INPP4B: variants seen among roughly 807,000 people sequenced by gnomAD.
INPP4B encodes the protein inositol polyphosphate 4-phosphatase type II.
In INPP4B, 55 loss-of-function variants were observed where a neutral mutation model predicts 122.5. The ratio of observed to expected loss-of-function variants is 0.45; its 90% CI spans 0.36 to 0.56. INPP4B has a LOEUF of 0.56. INPP4B is among the 20% of genes least tolerant of loss of function. The probability of loss-of-function intolerance (pLI) is 0.00; values close to 1 mark genes in which losing one functional copy is unlikely to be tolerated. For synonymous variants in INPP4B, 403 were observed against 388.7 expected, an observed-to-expected ratio of 1.04 and a Z score of -0.43; for missense variants, 1,000 against 1,097.7, an observed-to-expected ratio of 0.91 and a Z score of 1.26.
chr4:142,425,014 C>T (rs2149334616), intron 5 of INPP4B, among the ~76,000 whole-genome samples: 1 of 152,154 alleles, frequency 6.6e-6, no homozygotes, highest in Admixed American at 6.6e-5. Flanking sequence ...TCACAGGTTA[C>T]TCCTATTTTA....
At position 142,729,568 on chromosome 4, in the gene INPP4B, T is replaced by C. The variant is rs1765797337; in HGVS notation, c.-253-3667A>G. On this transcript the variant is annotated intron_variant, in intron 1 of 25. Transcript: ENST00000262992. ...AAATGAAGCAGGAAAGTGCTTACTT[T>C]CTGCTCACTAAGCAAGAAGGCTCCC... Among the ~76,000 whole-genome samples, 3 of 152,152 alleles carry C rather than the reference T, an allele frequency of 2.0e-5. No individual in the cohort carries two copies. In the South Asian group the frequency reaches 6.2e-4, roughly 32 times the overall value.
At chr4:142,296,330 T>C (rs1758681057) in intron 9 of INPP4B, among the ~76,000 whole-genome samples, 1 of 152,190 alleles carries the variant, frequency 6.6e-6, no homozygotes, top group South Asian at 2.1e-4. Flanking sequence ...ATTTAAATTA[T>C]AATGAAAAAC....
intron 9 of INPP4B, among the ~76,000 whole-genome samples, chr4:142,282,520 A>G (rs2150805355): frequency 6.6e-6 from 1 of 152,290 alleles, no homozygotes; most frequent in South Asian, 2.1e-4. Flanking sequence ...GGTTGAAATC[A>G]AGATATAGGC....
chr4:142,420,868 G>A (rs1006123696), intron 5 of INPP4B, among the ~76,000 whole-genome samples: 2 of 152,112 alleles, frequency 1.3e-5, no homozygotes, highest in Non-Finnish European at 2.9e-5. Context: ...AAGTTCAGTG[G>A]CTAGACTCCC....
chr4:142,539,872 C>T (rs1364915), intron 2 of INPP4B, among the ~76,000 whole-genome samples: 147,645 of 152,098 alleles, frequency 0.97, 71,792 homozygotes, highest in East Asian at 1. Context: ...ACTATCAATA[C>T]GTAGGGAAAA....
intron 7 of INPP4B, among the ~76,000 whole-genome samples, chr4:142,395,919 T>C (rs1799218652): frequency 6.6e-6 from 1 of 152,140 alleles, no homozygotes; most frequent in Non-Finnish European, 1.5e-5. Context: ...GAGGAGTTGC[T>C]AATTAATTAG....
chr4:142,259,982 GT>G (rs1738960576), intron 11 of INPP4B, among the ~76,000 whole-genome samples: 2 of 151,586 alleles, frequency 1.3e-5, no homozygotes, highest in Admixed American at 6.6e-5. Context: ...CATGATATTT[GT>G]TTTTTGTTCA....
chr4:142,321,439 C>T (rs542429551), intron 7 of INPP4B, among the ~76,000 whole-genome samples: 351 of 152,184 alleles, frequency 2.3e-3, no homozygotes, highest in African/African-American at 8.2e-3. Context: ...TTAATTAAAT[C>T]CCATCTATTT....
chr4:142,398,072 A>G (rs923698680), intron 7 of INPP4B, among the ~76,000 whole-genome samples: 1 of 151,546 alleles, frequency 6.6e-6, no homozygotes, highest in East Asian at 2.0e-4. Flanking sequence ...AGTTTTATGG[A>G]GATTAAAAAA....
At chr4:142,546,786 G>A (rs962637154) in intron 2 of INPP4B, among the ~76,000 whole-genome samples, 1 of 152,110 alleles carries the variant, frequency 6.6e-6, no homozygotes, top group African/African-American at 2.4e-5. Flanking sequence ...CATATTTGAG[G>A]ATGTAGTAGA....
chr4:142,738,580 G>T (rs761747685), intron 1 of INPP4B, among the ~76,000 whole-genome samples: 32 of 151,424 alleles, frequency 2.1e-4, no homozygotes, highest in Non-Finnish European at 3.7e-4. Flanking sequence ...TGCAAGTTGT[G>T]CACTGTACCC....
chr4:142,682,243 C>T (rs538964884), intron 2 of INPP4B, among the ~76,000 whole-genome samples: 29 of 151,824 alleles, frequency 1.9e-4, no homozygotes, highest in Middle Eastern at 3.4e-3. Flanking sequence ...AATGTAATTA[C>T]TTGGCAAGAA....
chr4:142,391,595 C>G (rs1311165706), intron 7 of INPP4B, among the ~76,000 whole-genome samples: 1 of 151,902 alleles, frequency 6.6e-6, no homozygotes, highest in Non-Finnish European at 1.5e-5. Context: ...ACAAAACAAA[C>G]AAAAACAAAC....
intron 14 of INPP4B, among the ~76,000 whole-genome samples, chr4:142,200,766 T>C (rs1371166642): frequency 1.3e-5 from 2 of 151,966 alleles, no homozygotes; most frequent in Non-Finnish European, 1.5e-5. Flanking sequence ...AGAGCAAAAA[T>C]AGGGTAAAAG....
chr4:142,716,506 C>T (rs1234422783), intron 2 of INPP4B, among the ~76,000 whole-genome samples: 5 of 152,258 alleles, frequency 3.3e-5, no homozygotes, highest in African/African-American at 1.2e-4. Context: ...CAAAAAATTA[C>T]TGGCTGCCAT....
intron 2 of INPP4B, among the ~76,000 whole-genome samples, chr4:142,614,070 T>C (rs773302572): frequency 5.9e-5 from 9 of 152,058 alleles, no homozygotes; most frequent in Non-Finnish European, 8.8e-5. Flanking sequence ...ATAGTGCTGG[T>C]ATAAAAATAG....
chr4:142,189,094 T>A (rs1834561331), intron 15 of INPP4B, among the ~76,000 whole-genome samples: 1 of 152,154 alleles, frequency 6.6e-6, no homozygotes, highest in South Asian at 2.1e-4. Context: ...ATATCTACCC[T>A]TATTCCTCCT....
At chr4:142,608,693 T>A (rs1178023651) in intron 2 of INPP4B, among the ~76,000 whole-genome samples, 1 of 152,160 alleles carries the variant, frequency 6.6e-6, no homozygotes, top group Non-Finnish European at 1.5e-5. Flanking sequence ...AGACTTATCA[T>A]CTGGAAAGAC....
chr4:142,759,732 A>G (rs1414307416), intron 1 of INPP4B, among the ~76,000 whole-genome samples: 2 of 150,452 alleles, frequency 1.3e-5, no homozygotes, highest in Non-Finnish European at 3.0e-5. Context: ...CAAACATACT[A>G]TGCCACAAAG....
Sources: gnomAD v4.1 joint callset for allele counts (sites outside exome capture counted in the v4.1 genomes callset) on GRCh38, gnomAD v4.1.1 for gene constraint, MANE v1.5 for transcripts, NCBI Gene and HGNC (gene_info 2026-07-23, HGNC 2026-07-21) for gene names.